Variants in CNTLN observed in about 807,000 individuals in gnomAD.
The protein encoded by CNTLN is centlein.
In CNTLN, 212 loss-of-function variants were observed where a neutral mutation model predicts 180.0. That is an observed-to-expected ratio of 1.18 (90% CI 1.05 to 1.32). The LOEUF (loss-of-function observed/expected upper bound fraction) is 1.32, where lower values mean the gene tolerates loss of function less well. CNTLN is among the 40% of genes most tolerant of loss of function. The pLI is 0.00. For synonymous variants in CNTLN, 722 were observed against 563.1 expected (o/e 1.28, Z -3.99); for missense variants, 2,095 against 1,610.9 (o/e 1.30, Z -5.14).
At chr9:17,217,926 G>A (rs1341833906) in intron 2 of CNTLN, among the ~76,000 whole-genome samples, 1 of 152,012 alleles carries the variant, frequency 6.6e-6, no homozygotes, top group African/African-American at 2.4e-5. Context: ...TATATAAAGA[G>A]TATCTGATCT....
intron 5 of CNTLN, among the ~76,000 whole-genome samples, chr9:17,268,579 A>C (rs1827684984): frequency 6.6e-6 from 1 of 152,138 alleles, no homozygotes; most frequent in African/African-American, 2.4e-5. Context: ...TCAGACAGGG[A>C]CATTTATGTC....
rs1335754840 is a variant in CNTLN at position 17,356,974 on chromosome 9, T to C, written c.1887-9643T>C. On this transcript the variant is annotated intron_variant, in intron 12 of 25. Coordinates refer to ENST00000380647, the MANE Select transcript of CNTLN (RefSeq NM_017738.4). ...TTAGCCTACACTGTAGGTGAGAATGTATTATGAGTGTGTGTGTGTATATAT... is the reference window on the plus strand; with the variant it reads ...TTAGCCTACACTGTAGGTGAGAATGCATTATGAGTGTGTGTGTGTATATAT... Among the ~76,000 whole-genome samples, 3 of 152,140 alleles carry C rather than the reference T, an allele frequency of 2.0e-5. No homozygotes were observed. In the East Asian group the frequency reaches 5.8e-4, roughly 29 times the overall value.
chr9:17,404,179 G>A lies in CNTLN; in HGVS notation c.2616-5114G>A, dbSNP rs143776931. ...TATTCAAAGGCAACTGGCTGTATACGACAGTAGATGATCAATAGGCTCCGT... is the reference window on the plus strand; with the variant it reads ...TATTCAAAGGCAACTGGCTGTATACAACAGTAGATGATCAATAGGCTCCGT... On this transcript the variant is annotated intron_variant, in intron 15 of 25. Coordinates refer to ENST00000380647, the MANE Select transcript of CNTLN (RefSeq NM_017738.4). 1.9e-3 allele frequency among the ~76,000 whole-genome samples: 292 copies of A among 151,848 alleles called. 2 individuals carry two copies. The highest frequency in any genetic ancestry group is 3.4e-3 in the Non-Finnish European group (229 of 68,022).
At chr9:17,166,706 ATTGT>A (rs1315311507) in intron 2 of CNTLN, 2 of 264,924 alleles carry the variant, frequency 7.5e-6, no homozygotes, top group Non-Finnish European at 1.5e-5. Flanking sequence ...TGGGAGATAA[ATTGT>A]TTTCAACCTA....
intron 5 of CNTLN, among the ~76,000 whole-genome samples, chr9:17,251,716 A>C (rs1241693364): frequency 6.6e-6 from 1 of 151,620 alleles, no homozygotes; most frequent in Non-Finnish European, 1.5e-5. Flanking sequence ...CGTCACCTTG[A>C]GTTTTTATCA....
intron 2 of CNTLN, among the ~76,000 whole-genome samples, chr9:17,197,290 T>G (rs562134411): frequency 6.6e-6 from 1 of 152,222 alleles, no homozygotes; most frequent in African/African-American, 2.4e-5. Context: ...CACATCCTTG[T>G]CAGCATTTGT....
chr9:17,388,373 C>T (rs1047854898), intron 14 of CNTLN, 120 bp downstream of exon 14: 12 of 632,400 alleles, frequency 1.9e-5, no homozygotes, highest in Non-Finnish European at 3.1e-5. Flanking sequence ...AATTTAAATT[C>T]ATAATTCAAA....
intron 2 of CNTLN, among the ~76,000 whole-genome samples, chr9:17,194,281 G>C (rs1156756972): frequency 6.6e-6 from 1 of 152,074 alleles, no homozygotes; most frequent in South Asian, 2.1e-4. Context: ...TTTTTCTTTT[G>C]TATCACATTG....
At chr9:17,182,179 C>A (rs1481400163) in intron 2 of CNTLN, among the ~76,000 whole-genome samples, 1 of 150,340 alleles carries the variant, frequency 6.7e-6, no homozygotes, top group Non-Finnish European at 1.5e-5. Context: ...TTTTTTTTTC[C>A]TTTGGTACTT....
chr9:17,365,599 C>T (rs1044676559), intron 12 of CNTLN, among the ~76,000 whole-genome samples: 3 of 146,810 alleles, frequency 2.0e-5, no homozygotes, highest in Admixed American at 1.3e-4. Context: ...ATTTACCATT[C>T]TTGTTTTCAG....
At chr9:17,321,672 C>G (rs10125333) in intron 8 of CNTLN, among the ~76,000 whole-genome samples, 1 of 151,888 alleles carries the variant, frequency 6.6e-6, no homozygotes, top group African/African-American at 2.4e-5. Context: ...GTACAGTATT[C>G]TGGTTTTTCA....
At chr9:17,467,025 ATCAC>A in intron 23 of CNTLN, 134 bp downstream of exon 23, 1 of 512,492 alleles carries the variant, frequency 2.0e-6, no homozygotes, top group Non-Finnish European at 3.4e-6. Flanking sequence ...TACCCTATTT[ATCAC>A]ATTGCTAATA....
intron 2 of CNTLN, among the ~76,000 whole-genome samples, chr9:17,203,296 A>T (rs974351676): frequency 2.0e-5 from 3 of 152,106 alleles, no homozygotes; most frequent in African/African-American, 7.2e-5. Flanking sequence ...ACGTTGGAGA[A>T]TCTGACGGTT....
chr9:17,215,662 G>A lies in CNTLN; in HGVS notation c.450-10541G>A, dbSNP rs531266634. Among the ~76,000 whole-genome samples the A allele has an allele frequency of 2.5e-4, 38 of 152,250 alleles. No homozygotes were observed. In the South Asian group the frequency reaches 7.1e-3, roughly 28 times the overall value. Reference sequence around the variant, plus strand: ...CCTGCCCCCAGGGGTGGAGTCTGTGGAGGCTGGCAGGCCTCCTTGAACTGC... The same window carrying A: ...CCTGCCCCCAGGGGTGGAGTCTGTGAAGGCTGGCAGGCCTCCTTGAACTGC... On this transcript the variant is annotated intron_variant, in intron 2 of 25. Coordinates refer to ENST00000380647, the MANE Select transcript of CNTLN (RefSeq NM_017738.4).
At chr9:17,220,038 A>G (rs1824027143) in intron 2 of CNTLN, among the ~76,000 whole-genome samples, 1 of 152,094 alleles carries the variant, frequency 6.6e-6, no homozygotes, top group Non-Finnish European at 1.5e-5. Context: ...GAGGAGACAC[A>G]AACCTTCAGT....
downstream of CNTLN, among the ~76,000 whole-genome samples, chr9:17,508,362 A>G (rs76400063): frequency 1.3e-5 from 2 of 152,348 alleles, no homozygotes; most frequent in East Asian, 3.9e-4. Flanking sequence ...ACCACAGTAC[A>G]CTGTCCAAAC....
chr9:17,451,544 A>G (rs953143718), intron 18 of CNTLN, among the ~76,000 whole-genome samples: 1 of 152,198 alleles, frequency 6.6e-6, no homozygotes, highest in Non-Finnish European at 1.5e-5. Context: ...AAAATGAGAA[A>G]GAAAACTCGG....
intron 13 of CNTLN, among the ~76,000 whole-genome samples, chr9:17,382,377 A>C (rs1281440348): frequency 6.6e-6 from 1 of 152,230 alleles, no homozygotes; most frequent in East Asian, 1.9e-4. Context: ...CAAAACAATC[A>C]AGCCTTCGGA....
At chr9:17,342,476 A>G in intron 12 of CNTLN, 32 bp downstream of exon 12, 6 of 1,564,196 alleles carry the variant, frequency 3.8e-6, no homozygotes, top group Non-Finnish European at 3.4e-6. Flanking sequence ...ATGGACTTAG[A>G]TAAAATACTT....
Sources: gnomAD v4.1 joint callset for allele counts (sites outside exome capture counted in the v4.1 genomes callset) on GRCh38, gnomAD v4.1.1 for gene constraint, MANE v1.5 for transcripts, NCBI Gene and HGNC (gene_info 2026-07-23, HGNC 2026-07-21) for gene names.